The following RANBP17 variants were observed in gnomAD, a reference collection of about 807,000 sequenced individuals.
The protein encoded by RANBP17 is RAN binding protein 17, also known as ran-binding protein 17.
In RANBP17, 158 loss-of-function variants were observed where a neutral mutation model predicts 141.2. The observed-to-expected ratio is 1.12, with a 90% CI of 0.98 to 1.28. RANBP17 has a LOEUF of 1.28. Ranked by LOEUF, RANBP17 falls within the 50% of genes most tolerant of loss-of-function variation. The probability of loss-of-function intolerance (pLI) is 0.00; values close to 1 mark genes in which losing one functional copy is unlikely to be tolerated. For missense variants in RANBP17, 1,438 were observed against 1,290.7 expected (o/e 1.11, Z -1.75); for synonymous variants, 430 against 450.0 (o/e 0.96, Z 0.56).
chr5:171,026,011 G>T (rs900627123), intron 14 of RANBP17, among the ~76,000 whole-genome samples: 1 of 152,054 alleles, frequency 6.6e-6, no homozygotes, highest in Admixed American at 6.6e-5. Context: ...TGTGTTGTTC[G>T]CCATTGCATC....
intron 14 of RANBP17, among the ~76,000 whole-genome samples, chr5:170,991,456 G>T (rs1169239101): frequency 6.6e-6 from 1 of 151,950 alleles, no homozygotes; most frequent in African/African-American, 2.4e-5. Flanking sequence ...TCAGGATGGA[G>T]AATTAGAGGC....
At chr5:171,226,927 A>G (rs990640324) in intron 22 of RANBP17, among the ~76,000 whole-genome samples, 3 of 152,228 alleles carry the variant, frequency 2.0e-5, no homozygotes, top group African/African-American at 7.2e-5. Flanking sequence ...TGGAGCAAGT[A>G]TATCAGTGCC....
chr5:171,159,577 T>A (rs77599329), intron 14 of RANBP17, among the ~76,000 whole-genome samples: 6,586 of 152,216 alleles, frequency 0.043, 191 homozygotes, highest in East Asian at 0.12. Flanking sequence ...TTAATAATTT[T>A]AAACTAATGA....
At chr5:171,154,660 T>C (rs1263817264) in intron 14 of RANBP17, among the ~76,000 whole-genome samples, 2 of 152,186 alleles carry the variant, frequency 1.3e-5, no homozygotes, top group African/African-American at 4.8e-5. Context: ...TGTCAGTGAA[T>C]ACATATTTTT....
rs1248302815 is a variant in RANBP17 at position 170,882,574 on chromosome 5, C to G, written c.256+678C>G. On this transcript the variant is annotated intron_variant, in intron 3 of 27. Coordinates refer to ENST00000523189, the MANE Select transcript of RANBP17 (RefSeq NM_022897.5). ...ACTAGAAAGTAGTAGGGTTATGATT[C>G]AAAGCTACTCTACCTGTTTAGAGTC... Among the ~76,000 whole-genome samples, 4 of 152,120 alleles carry G rather than the reference C, an allele frequency of 2.6e-5. No homozygotes were observed. In the East Asian group the frequency reaches 7.7e-4, roughly 29 times the overall value.
intron 14 of RANBP17, among the ~76,000 whole-genome samples, chr5:171,154,433 T>A (rs1256354355): frequency 6.6e-6 from 1 of 152,102 alleles, no homozygotes; most frequent in African/African-American, 2.4e-5. Context: ...TGCGCCACCA[T>A]GCCCAGCTAA....
intron 14 of RANBP17, among the ~76,000 whole-genome samples, chr5:171,080,930 G>A (rs1044403205): frequency 6.6e-6 from 1 of 152,098 alleles, no homozygotes; most frequent in African/African-American, 2.4e-5. Flanking sequence ...TAATTTATGT[G>A]CCAAACTTTT....
chr5:171,122,647 C>G (rs1756121820), intron 14 of RANBP17, among the ~76,000 whole-genome samples: 1 of 152,216 alleles, frequency 6.6e-6, no homozygotes, highest in African/African-American at 2.4e-5. Flanking sequence ...GTTCCCACTG[C>G]AGACTCCTGC....
intron 14 of RANBP17, among the ~76,000 whole-genome samples, chr5:171,164,820 G>T (rs1759567263): frequency 6.6e-6 from 1 of 152,174 alleles, no homozygotes; most frequent in African/African-American, 2.4e-5. Flanking sequence ...ATGAAATTTT[G>T]AAGCAGTTCC....
intron 16 of RANBP17, among the ~76,000 whole-genome samples, chr5:171,177,018 T>C (rs961918392): frequency 1.3e-5 from 2 of 152,222 alleles, no homozygotes; most frequent in African/African-American, 4.8e-5. Context: ...TGAAACAGTA[T>C]TAAAATGCAT....
intron 14 of RANBP17, among the ~76,000 whole-genome samples, chr5:171,090,804 A>G (rs1786198390): frequency 6.6e-6 from 1 of 152,202 alleles, no homozygotes; most frequent in Admixed American, 6.5e-5. Context: ...GGAAGCCCCA[A>G]GCCTTGGCGA....
intron 24 of RANBP17, among the ~76,000 whole-genome samples, chr5:171,251,337 C>A (rs1019331827): frequency 2.6e-5 from 4 of 152,108 alleles, no homozygotes; most frequent in African/African-American, 9.6e-5. Context: ...ACCTTGGCCT[C>A]CTAAAGTGCT....
At chr5:170,974,499 G>C (rs1777220442) in intron 14 of RANBP17, among the ~76,000 whole-genome samples, 1 of 152,134 alleles carries the variant, frequency 6.6e-6, no homozygotes, top group Admixed American at 6.5e-5. Flanking sequence ...GGTGCTTGCT[G>C]CTCTCCCAGG....
intron 14 of RANBP17, among the ~76,000 whole-genome samples, chr5:171,142,110 G>A (rs780037664): frequency 5.3e-5 from 8 of 152,136 alleles, no homozygotes; most frequent in Admixed American, 1.3e-4. Flanking sequence ...ATTGGAAATA[G>A]AGGTGTTAAA....
At chr5:171,273,832 C>A (rs1425045127) in intron 25 of RANBP17, among the ~76,000 whole-genome samples, 2 of 152,066 alleles carry the variant, frequency 1.3e-5, no homozygotes, top group African/African-American at 4.8e-5. Context: ...CTGAAGCATA[C>A]TTTTTTGGTT....
At chr5:170,950,467 A>G (rs991090191) in intron 12 of RANBP17, among the ~76,000 whole-genome samples, 2 of 152,214 alleles carry the variant, frequency 1.3e-5, no homozygotes, top group African/African-American at 2.4e-5. Context: ...ACAAATGGCC[A>G]ATAGGTATAT....
chr5:171,259,366 G>C (rs1766132788), intron 24 of RANBP17, among the ~76,000 whole-genome samples: 1 of 152,122 alleles, frequency 6.6e-6, no homozygotes, highest in Non-Finnish European at 1.5e-5. Flanking sequence ...CCTACTACTG[G>C]GAGTATATCC....
chr5:171,126,141 A>G (rs1210070581), intron 14 of RANBP17, among the ~76,000 whole-genome samples: 5 of 152,214 alleles, frequency 3.3e-5, no homozygotes, highest in East Asian at 3.8e-4. Flanking sequence ...ACAATGGGAT[A>G]AAACTAGAAA....
At chr5:170,983,175 AG>A (rs1296970627) in intron 14 of RANBP17, 2 of 476,268 alleles carry the variant, frequency 4.2e-6, no homozygotes, top group African/African-American at 2.0e-5. Flanking sequence ...AGAGAGGCTA[AG>A]GGAAGCTCTC....
Sources: allele counts gnomAD v4.1 joint callset (sites outside exome capture counted in the v4.1 genomes callset), GRCh38; gene constraint gnomAD v4.1.1; transcripts MANE v1.5; gene names NCBI Gene and HGNC (gene_info 2026-07-23, HGNC 2026-07-21).